KIF26B: variants seen among roughly 807,000 people sequenced by gnomAD.
KIF26B encodes the protein kinesin family member 26B.
In KIF26B, 63 loss-of-function variants were observed where a neutral mutation model predicts 151.2. The ratio of observed to expected loss-of-function variants is 0.42; its 90% CI spans 0.34 to 0.51. The LOEUF (loss-of-function observed/expected upper bound fraction) is 0.51. KIF26B is among the 20% of genes least tolerant of loss of function. The pLI is 0.07. For synonymous variants in KIF26B, 1,357 were observed against 1,262.1 expected (o/e 1.08, Z -1.59); for missense variants, 2,813 against 2,913.6 (o/e 0.97, Z 0.79).
chr1:245,302,640 C>G (rs1671444794), intron 2 of KIF26B, among the ~76,000 whole-genome samples: 2 of 152,236 alleles, frequency 1.3e-5, no homozygotes, highest in South Asian at 4.1e-4. Flanking sequence ...AGGAATTTCC[C>G]AACATATCAG....
At chr1:245,521,450 T>G (rs1361047475) in intron 4 of KIF26B, among the ~76,000 whole-genome samples, 1 of 152,220 alleles carries the variant, frequency 6.6e-6, no homozygotes, top group East Asian at 1.9e-4. Context: ...CAGGCTTGTT[T>G]TGGAAAATAT....
chr1:245,314,039 T>C (rs1396939520), intron 2 of KIF26B, among the ~76,000 whole-genome samples: 2 of 152,174 alleles, frequency 1.3e-5, no homozygotes, highest in Non-Finnish European at 2.9e-5. Flanking sequence ...TCCTCCTCAC[T>C]CACGTCCCTC....
At chr1:245,662,435 GATATATAT>G (rs61475459) in intron 10 of KIF26B, among the ~76,000 whole-genome samples, 96,026 of 139,846 alleles carry the variant, frequency 0.69, 32,698 homozygotes, top group East Asian at 0.83. Context: ...ACACATACCC[GATATATAT>G]ATATATATAT....
chr1:245,634,923 C>T (rs1449920856), intron 9 of KIF26B, among the ~76,000 whole-genome samples: 1 of 151,912 alleles, frequency 6.6e-6, no homozygotes, highest in Non-Finnish European at 1.5e-5. Flanking sequence ...GCTATGTTGC[C>T]CTGGCTGGTC....
chr1:245,696,654 A>T (rs2044697997), intron 12 of KIF26B, among the ~76,000 whole-genome samples: 2 of 152,224 alleles, frequency 1.3e-5, no homozygotes, highest in Non-Finnish European at 2.9e-5. Flanking sequence ...AACCCCTCTG[A>T]TCTGGTCCCT....
At chr1:245,257,206 T>TA (rs1358482871) in intron 2 of KIF26B, among the ~76,000 whole-genome samples, 1 of 152,234 alleles carries the variant, frequency 6.6e-6, no homozygotes, top group Non-Finnish European at 1.5e-5. Flanking sequence ...AGCAATCCTC[T>TA]GAGTTGTCCT....
At chr1:245,237,228 C>T (rs900745976) in intron 2 of KIF26B, among the ~76,000 whole-genome samples, 2 of 152,214 alleles carry the variant, frequency 1.3e-5, no homozygotes, top group African/African-American at 4.8e-5. Flanking sequence ...ATGTAACTTA[C>T]AGCTCTGTCT....
Position 245,155,232 on chromosome 1 carries a change from A to G in KIF26B, c.-193A>G. On this transcript the variant is annotated 5_prime_UTR_variant, in exon 1 of 15. Coordinates refer to ENST00000407071, the MANE Select transcript of KIF26B (RefSeq NM_018012.4). Reference sequence around the variant, plus strand: ...AGAGAAGAATAAACCAGCGACCCCAACCCTTTCTGCAAATTGGTGCTATTA... The same window carrying G: ...AGAGAAGAATAAACCAGCGACCCCAGCCCTTTCTGCAAATTGGTGCTATTA... The G allele has an allele frequency of 1.6e-6, 1 of 621,076 alleles. No homozygotes were observed. The allele number at this position is 621,076 out of a possible 1,614,324, so 38.5% of individuals were successfully genotyped here.
At chr1:245,631,716 T>C (rs775087052) in intron 9 of KIF26B, among the ~76,000 whole-genome samples, 5 of 152,182 alleles carry the variant, frequency 3.3e-5, no homozygotes, top group African/African-American at 4.8e-5. Context: ...GTCCTGGGCT[T>C]TTCTTTGTTG....
At chr1:245,350,461 G>A (rs926583414) in intron 2 of KIF26B, among the ~76,000 whole-genome samples, 4 of 152,090 alleles carry the variant, frequency 2.6e-5, no homozygotes, top group African/African-American at 9.7e-5. Context: ...CCTGAAGAAC[G>A]TGTTGATTCC....
chr1:245,403,968 TC>T (rs1413165259), intron 3 of KIF26B, among the ~76,000 whole-genome samples: 1 of 152,206 alleles, frequency 6.6e-6, no homozygotes, highest in Non-Finnish European at 1.5e-5. Context: ...GCCACTGGCT[TC>T]TTTTTGGAGA....
intron 2 of KIF26B, among the ~76,000 whole-genome samples, chr1:245,321,590 A>G (rs1671887687): frequency 6.6e-6 from 1 of 152,236 alleles, no homozygotes; most frequent in South Asian, 2.1e-4. Context: ...GTAAATGATG[A>G]CTATTAGGAG....
intron 2 of KIF26B, among the ~76,000 whole-genome samples, chr1:245,175,958 A>G (rs1413713120): frequency 1.4e-5 from 2 of 144,324 alleles, no homozygotes; most frequent in East Asian, 2.0e-4. Flanking sequence ...AGATATCTAT[A>G]TCTATATATA....
intron 2 of KIF26B, among the ~76,000 whole-genome samples, chr1:245,156,989 C>G (rs1448835986): frequency 6.6e-6 from 1 of 152,254 alleles, no homozygotes; most frequent in African/African-American, 2.4e-5. Context: ...CCTCCCAGCT[C>G]TCCCTGGCGG....
At position 245,708,404 on chromosome 1, in the gene KIF26B, C is replaced by T. The variant is rs768537808; in HGVS notation, c.*5798C>T. 3 of 152,186 alleles carry T rather than the reference C, an allele frequency of 2.0e-5. No homozygotes were observed. Among genetic ancestry groups the T allele is most frequent in the Non-Finnish European group, 2.9e-5 (2 of 68,042 alleles). 9.4% of individuals were successfully genotyped at this position (152,186 alleles called of 1,614,324 possible). ...GGACTTGAGTCCAGCTTATTGGATT[C>T]TTCCCATCAGATCATATTGCACCAG... On this transcript the variant is annotated 3_prime_UTR_variant, in exon 15 of 15. Coordinates refer to ENST00000407071, the MANE Select transcript of KIF26B (RefSeq NM_018012.4).
intron 9 of KIF26B, among the ~76,000 whole-genome samples, chr1:245,624,075 T>A (rs1175778487): frequency 6.6e-6 from 1 of 152,150 alleles, no homozygotes; most frequent in East Asian, 1.9e-4. Flanking sequence ...CCCTGCTCAC[T>A]CGCTCTCTCT....
intron 2 of KIF26B, among the ~76,000 whole-genome samples, chr1:245,199,487 GTTT>G (rs1231649291): frequency 7.0e-6 from 1 of 143,826 alleles, no homozygotes; most frequent in Non-Finnish European, 1.5e-5. Flanking sequence ...CATATCTTTG[GTTT>G]TTTTTTTTTT....
At chr1:245,646,711 A>G (rs566451035) in intron 10 of KIF26B, among the ~76,000 whole-genome samples, 33 of 152,290 alleles carry the variant, frequency 2.2e-4, no homozygotes, top group African/African-American at 7.5e-4. Flanking sequence ...CAGATAACCA[A>G]CAAATAAGGT....
chr1:245,240,564 T>A (rs1670197411), intron 2 of KIF26B, among the ~76,000 whole-genome samples: 1 of 152,182 alleles, frequency 6.6e-6, no homozygotes, highest in Non-Finnish European at 1.5e-5. Context: ...TCTCGTGAGA[T>A]TATATTTAAT....
Sources: allele counts gnomAD v4.1 joint callset (sites outside exome capture counted in the v4.1 genomes callset), GRCh38; gene constraint gnomAD v4.1.1; transcripts MANE v1.5; gene names NCBI Gene and HGNC (gene_info 2026-07-23, HGNC 2026-07-21).